Variants in TIAM1 observed in about 807,000 individuals in gnomAD.
TIAM1 encodes rho guanine nucleotide exchange factor TIAM1.
Under a neutral mutation model 163.5 loss-of-function variants are expected in TIAM1, and 65 were observed. That is an observed-to-expected ratio of 0.40 (90% CI 0.33 to 0.49). The LOEUF is 0.49. Among genes scored for constraint, TIAM1 ranks in the 20% least tolerant of loss-of-function variants. TIAM1 has a pLI of 0.77. For missense variants in TIAM1, 1,789 were observed against 2,044.7 expected, an observed-to-expected ratio of 0.87 and a Z score of 2.41; for synonymous variants, 833 against 810.1, an observed-to-expected ratio of 1.03 and a Z score of -0.48.
intron 1 of TIAM1, among the ~76,000 whole-genome samples, chr21:31,481,729 TCCCACA>T (rs1400676521): frequency 6.6e-6 from 1 of 152,096 alleles, no homozygotes; most frequent in Non-Finnish European, 1.5e-5. Context: ...AGCACCCAGC[TCCCACA>T]CCCTCTCTGG....
intron 2 of TIAM1, chr21:31,452,513 A>T (rs890386061): frequency 1.8e-6 from 1 of 571,124 alleles, no homozygotes; most frequent in Non-Finnish European, 3.2e-6. Flanking sequence ...TAAGAAAGCC[A>T]GATACCTGGA....
intron 14 of TIAM1, among the ~76,000 whole-genome samples, chr21:31,183,751 G>T (rs914483816): frequency 2.0e-5 from 3 of 150,470 alleles, no homozygotes; most frequent in African/African-American, 4.9e-5. Flanking sequence ...CTGAAGTGCA[G>T]TGGTGCGATC....
chr21:31,320,539 T>C (rs2075276730), intron 2 of TIAM1, among the ~76,000 whole-genome samples: 1 of 152,142 alleles, frequency 6.6e-6, no homozygotes, highest in South Asian at 2.1e-4. Flanking sequence ...TGGTCAATGA[T>C]GGTTGAGTCT....
At chr21:31,551,278 C>CA (rs1191851334) in intron 1 of TIAM1, among the ~76,000 whole-genome samples, 3 of 151,776 alleles carry the variant, frequency 2.0e-5, no homozygotes, top group Non-Finnish European at 2.9e-5. Flanking sequence ...CGTGGTGGCT[C>CA]ACACCTGTAA....
intron 2 of TIAM1, among the ~76,000 whole-genome samples, chr21:31,306,238 T>G (rs962669951): frequency 6.6e-6 from 1 of 151,956 alleles, no homozygotes; most frequent in Non-Finnish European, 1.5e-5. Flanking sequence ...GAGTTCTGAT[T>G]GCACCACTGC....
intron 2 of TIAM1, among the ~76,000 whole-genome samples, chr21:31,337,776 C>A (rs1382002192): frequency 6.6e-6 from 1 of 152,048 alleles, no homozygotes; most frequent in African/African-American, 2.4e-5. Context: ...GTAATCCGCC[C>A]ACCTCGGCCT....
intron 1 of TIAM1, among the ~76,000 whole-genome samples, chr21:31,547,205 T>G (rs1218329108): frequency 1.3e-5 from 2 of 152,210 alleles, no homozygotes; most frequent in African/African-American, 4.8e-5. Context: ...GAATGGGCAG[T>G]TAACTGGGAT....
chr21:31,224,000 T>A (rs1047413692), intron 7 of TIAM1, among the ~76,000 whole-genome samples: 1 of 152,192 alleles, frequency 6.6e-6, no homozygotes, highest in East Asian at 1.9e-4. Context: ...ATGGACCAAG[T>A]GCTTTTGGGA....
chr21:31,159,085 AG>A (rs1337739116), intron 16 of TIAM1, among the ~76,000 whole-genome samples: 1 of 152,202 alleles, frequency 6.6e-6, no homozygotes, highest in African/African-American at 2.4e-5. Flanking sequence ...CAGTGGGGAA[AG>A]TAAAAACCTC....
intron 11 of TIAM1, 58 bp downstream of exon 11, chr21:31,209,987 A>T: frequency 6.4e-7 from 1 of 1,552,346 alleles, no homozygotes; most frequent in Non-Finnish European, 8.7e-7. Context: ...TGTGCCTTAG[A>T]AGATTGCTAC....
intron 1 of TIAM1, among the ~76,000 whole-genome samples, chr21:31,506,779 ATGG>A (rs2047042568): frequency 6.6e-6 from 1 of 152,196 alleles, no homozygotes; most frequent in East Asian, 1.9e-4. Flanking sequence ...TTAGCCAGGC[ATGG>A]TGGCGCAAGC....
At chr21:31,155,541 G>C (rs990259626) in intron 16 of TIAM1, among the ~76,000 whole-genome samples, 1 of 151,538 alleles carries the variant, frequency 6.6e-6, no homozygotes, top group East Asian at 1.9e-4. Flanking sequence ...GTCTCGCTCT[G>C]TCACCCAGGC....
chr21:31,428,263 AAAAG>A (rs942434488), intron 2 of TIAM1, among the ~76,000 whole-genome samples: 14 of 152,178 alleles, frequency 9.2e-5, no homozygotes, highest in Non-Finnish European at 1.8e-4. Flanking sequence ...CTCAACAAAA[AAAAG>A]AAAGAAAGAA....
At chr21:31,197,427 G>A (rs2085921906) in intron 12 of TIAM1, among the ~76,000 whole-genome samples, 1 of 149,988 alleles carries the variant, frequency 6.7e-6, no homozygotes. Context: ...CCAGGCTGGA[G>A]TGCAGCGGTG....
intron 6 of TIAM1, among the ~76,000 whole-genome samples, chr21:31,228,929 TATAAAACCATCAG>T (rs376811296): frequency 1.1e-3 from 165 of 152,212 alleles, no homozygotes; most frequent in African/African-American, 3.7e-3. Context: ...GAAAGCCCCT[TATAAAACCATCAG>T]ATCTAGTGAG....
intron 4 of TIAM1, among the ~76,000 whole-genome samples, chr21:31,265,792 C>A (rs1047381257): frequency 1.3e-5 from 2 of 152,170 alleles, no homozygotes; most frequent in East Asian, 1.9e-4. Flanking sequence ...CCACTCCCCC[C>A]ACACACTTCC....
chr21:31,180,454 A>G (rs2084961634), intron 15 of TIAM1, among the ~76,000 whole-genome samples: 1 of 152,172 alleles, frequency 6.6e-6, no homozygotes, highest in Admixed American at 6.5e-5. Context: ...CTGTGTTCCA[A>G]TAAAACTTTA....
At position 31,199,310 on chromosome 21, in the gene TIAM1, T is replaced by C. The variant is rs566151657; in HGVS notation, c.2493+3598A>G. ...GCCCTATGGGCCCACTCATCTGCCA[T>C]AGTGAGCCTTTCAAAGCCGACAATG... On this transcript the variant is annotated intron_variant, in intron 12 of 27. Coordinates refer to ENST00000541036, the MANE Select transcript of TIAM1 (RefSeq NM_001353694.2). Among the ~76,000 whole-genome samples, 44 of 152,250 alleles carry C rather than the reference T, an allele frequency of 2.9e-4. 1 individual carries two copies. The South Asian group carries it at 5.2e-3, about 18-fold the overall frequency.
At chr21:31,198,897 C>G (rs2086030840) in intron 12 of TIAM1, among the ~76,000 whole-genome samples, 1 of 152,128 alleles carries the variant, frequency 6.6e-6, no homozygotes, top group South Asian at 2.1e-4. Context: ...GGACTAAAGC[C>G]AGGTTTAGTG....
Sources: allele counts gnomAD v4.1 joint callset (sites outside exome capture counted in the v4.1 genomes callset), GRCh38; gene constraint gnomAD v4.1.1; transcripts MANE v1.5; gene names NCBI Gene and HGNC (gene_info 2026-07-23, HGNC 2026-07-21).